The following ADAMTS16 variants were observed in gnomAD, a reference collection of about 807,000 sequenced individuals.
The protein encoded by ADAMTS16 is ADAM metallopeptidase with thrombospondin type 1 motif 16.
Under a neutral mutation model 145.8 loss-of-function variants are expected in ADAMTS16, and 94 were observed. The ratio of observed to expected loss-of-function variants is 0.64; its 90% CI spans 0.55 to 0.77. The LOEUF (loss-of-function observed/expected upper bound fraction) is 0.77, where lower values mean the gene tolerates loss of function less well. Among genes scored for constraint, ADAMTS16 ranks in the 30% least tolerant of loss-of-function variants. The pLI, the probability that ADAMTS16 is intolerant of heterozygous loss-of-function variation, is 0.00. For synonymous variants in ADAMTS16, 659 were observed against 604.3 expected, an observed-to-expected ratio of 1.09 and a Z score of -1.33; for missense variants, 1,585 against 1,591.5, an observed-to-expected ratio of 1.00 and a Z score of 0.07.
At position 5,306,684 on chromosome 5, in the gene ADAMTS16, G is replaced by A. The variant is rs1207923475; in HGVS notation, c.3367G>A (p.Ala1123Thr). The change falls in exon 21 of 23, where the codon GCG becomes ACG. Residue 1123 changes from alanine to threonine, a missense_variant. Around this residue, in one of 3 missense-constraint regions of ADAMTS16, gnomAD observed 834 missense variants for 811.7 expected, o/e 1.03. Transcript: ENST00000274181. ...CCCCAGGCACCCCCCATTTGCTGCT[G>A]CGGGACCCTCGAGGGGCAGCTGGTT... ...PCPRHPPFAA[A>T]GPSRGSWFAS... is the part of the protein sequence containing the mutation. 3.7e-6 allele frequency: 6 copies of A among 1,613,772 alleles called. No individual in the cohort carries two copies. The highest frequency in any genetic ancestry group is 1.3e-5 in the African/African-American group (1 of 75,054).
rs921934914 is a variant in ADAMTS16, at chr5:5,140,360, C to T, written c.-108C>T. 9.2e-5 allele frequency: 105 copies of T among 1,141,226 alleles called. No individual in the cohort carries two copies. The highest frequency in any genetic ancestry group is 3.0e-4 in the Middle Eastern group (1 of 3,374). 70.7% of individuals were successfully genotyped at this position (1,141,226 alleles called of 1,614,324 possible). Reference sequence around the variant, plus strand: ...TAACCCCGGCGCGGCGGCGGAGTCGCTGTGGGGAATCCTCCCGCGCTCTGC... The same window carrying T: ...TAACCCCGGCGCGGCGGCGGAGTCGTTGTGGGGAATCCTCCCGCGCTCTGC... On this transcript the variant is annotated 5_prime_UTR_variant, in exon 1 of 23. Transcript: ENST00000274181.
chr5:5,206,280 G>A (rs1736108329), intron 9 of ADAMTS16, among the ~76,000 whole-genome samples: 1 of 147,144 alleles, frequency 6.8e-6, no homozygotes, highest in African/African-American at 2.5e-5. Context: ...CAAAAAATTA[G>A]CCGGGCGTAG....
chr5:5,319,233 A>C lies in ADAMTS16; in HGVS notation c.*95A>C. The C allele has an allele frequency of 1.1e-6, 1 of 919,978 alleles. No individual in the cohort carries two copies. The highest frequency in any genetic ancestry group is 1.7e-6 in the Non-Finnish European group (1 of 587,242). The allele number at this position is 919,978 out of a possible 1,614,324, so 57.0% of individuals were successfully genotyped here. A position where few individuals can be genotyped will look rare whatever the true frequency, so the allele number is the denominator to read the frequency against. On this transcript the variant is annotated 3_prime_UTR_variant, in exon 23 of 23. Transcript: ENST00000274181. ...AATCTACGTCGGAATACATCCAAGGAAGAGCAAAGCCAAAAGAAGAAAACC... is the reference window on the plus strand; with the variant it reads ...AATCTACGTCGGAATACATCCAAGGCAGAGCAAAGCCAAAAGAAGAAAACC...
At chr5:5,275,914 G>A (rs1738670497) in intron 18 of ADAMTS16, among the ~76,000 whole-genome samples, 1 of 151,418 alleles carries the variant, frequency 6.6e-6, no homozygotes, top group Admixed American at 6.6e-5. Context: ...AGGCTGGAGT[G>A]CAGTGGTGCA....
chr5:5,266,788 C>A (rs979003242), intron 18 of ADAMTS16, among the ~76,000 whole-genome samples: 3 of 152,176 alleles, frequency 2.0e-5, no homozygotes, highest in African/African-American at 7.2e-5. Flanking sequence ...ATGTGGCGCT[C>A]GTTTACTGTC....
intron 3 of ADAMTS16, among the ~76,000 whole-genome samples, chr5:5,157,932 A>G (rs1734641641): frequency 6.6e-6 from 1 of 152,200 alleles, no homozygotes; most frequent in South Asian, 2.1e-4. Context: ...TGTAAGTTCC[A>G]AAATAAAGAA....
intron 10 of ADAMTS16, among the ~76,000 whole-genome samples, chr5:5,213,058 A>T (rs1736321208): frequency 6.6e-6 from 1 of 152,236 alleles, no homozygotes; most frequent in African/African-American, 2.4e-5. Flanking sequence ...TCCTTACAAC[A>T]AATAAATCCA....
chr5:5,205,090 C>G (rs1053657846), intron 9 of ADAMTS16, among the ~76,000 whole-genome samples: 1 of 144,222 alleles, frequency 6.9e-6, no homozygotes, highest in South Asian at 2.3e-4. Flanking sequence ...AAAAATAGAC[C>G]CTGTTTTTTT....
At chr5:5,193,828 G>A (rs1401460341) in intron 8 of ADAMTS16, among the ~76,000 whole-genome samples, 2 of 152,180 alleles carry the variant, frequency 1.3e-5, no homozygotes, top group Non-Finnish European at 2.9e-5. Context: ...AGCCAGTCGG[G>A]CGTGGTGGCT....
chr5:5,146,958 C>T (rs924692457), intron 3 of ADAMTS16, among the ~76,000 whole-genome samples: 1 of 152,128 alleles, frequency 6.6e-6, no homozygotes, highest in Non-Finnish European at 1.5e-5. Context: ...CATGGCAGGG[C>T]GTTGCTGGTC....
chr5:5,221,300 G>T (rs781745029), intron 10 of ADAMTS16, among the ~76,000 whole-genome samples: 4 of 151,984 alleles, frequency 2.6e-5, no homozygotes, highest in Admixed American at 6.5e-5. Flanking sequence ...AGAGGCCCCT[G>T]ACACCATATA....
At chr5:5,186,304 GT>G (rs1560939667) in intron 5 of ADAMTS16, 53 bp downstream of exon 5, 96,717 of 956,616 alleles carry the variant, frequency 0.1, 3,703 homozygotes, top group South Asian at 0.17. Context: ...TTCGTAGGGT[GT>G]GTGTGTGTGT....
At chr5:5,204,366 A>G (rs1736035313) in intron 9 of ADAMTS16, among the ~76,000 whole-genome samples, 1 of 152,234 alleles carries the variant, frequency 6.6e-6, no homozygotes, top group Admixed American at 6.5e-5. Context: ...CAAAATTATA[A>G]GAGTGCCTAC....
intron 3 of ADAMTS16, among the ~76,000 whole-genome samples, chr5:5,162,228 T>A (rs1036111709): frequency 2.6e-5 from 4 of 152,210 alleles, no homozygotes; most frequent in East Asian, 3.8e-4. Flanking sequence ...ATTTAAAAAA[T>A]TATTTTAGGC....
chr5:5,305,003 AC>A (rs1739988497), intron 20 of ADAMTS16, among the ~76,000 whole-genome samples: 2 of 80,578 alleles, frequency 2.5e-5, no homozygotes, highest in African/African-American at 4.9e-5. Context: ...ACACACACAC[AC>A]ATCCCACACC....
chr5:5,186,524 A>C (rs975970800), intron 5 of ADAMTS16, among the ~76,000 whole-genome samples: 1 of 152,116 alleles, frequency 6.6e-6, no homozygotes, highest in Admixed American at 6.5e-5. Flanking sequence ...TTTTGGGCTT[A>C]CTGGCATCTA....
intron 18 of ADAMTS16, among the ~76,000 whole-genome samples, chr5:5,280,063 C>T (rs1425136458): frequency 6.6e-6 from 1 of 150,966 alleles, no homozygotes; most frequent in Non-Finnish European, 1.5e-5. Flanking sequence ...ATTTTTCCTC[C>T]ACAATCCTTC....
intron 3 of ADAMTS16, among the ~76,000 whole-genome samples, chr5:5,166,265 A>G (rs181745674): frequency 6.6e-6 from 1 of 151,926 alleles, no homozygotes; most frequent in Non-Finnish European, 1.5e-5. Context: ...ACACACACAA[A>G]CACACATACA....
intron 11 of ADAMTS16, among the ~76,000 whole-genome samples, chr5:5,227,506 TG>T (rs1380822344): frequency 6.7e-3 from 1 of 150 alleles, no homozygotes; most frequent in Admixed American, 0.083. Flanking sequence ...GATCTAATAC[TG>T]TGTGTGTGTG....
Sources: allele counts gnomAD v4.1 joint callset (sites outside exome capture counted in the v4.1 genomes callset), GRCh38; gene constraint gnomAD v4.1.1; regional missense constraint gnomAD v4.1.1; transcripts MANE v1.5; gene names NCBI Gene and HGNC (gene_info 2026-07-23, HGNC 2026-07-21).